The following LRCH1 variants were observed in gnomAD, a reference collection of about 807,000 sequenced individuals.
The protein encoded by LRCH1 is leucine-rich repeat and calponin homology domain-containing protein 1.
Under a neutral mutation model 94.9 loss-of-function variants are expected in LRCH1, and 23 were observed. That is an observed-to-expected ratio of 0.24 (90% confidence interval 0.17 to 0.34). The LOEUF (loss-of-function observed/expected upper bound fraction) is 0.34, where lower values mean the gene tolerates loss of function less well. Among genes scored for constraint, LRCH1 ranks in the 10% least tolerant of loss-of-function variants. The pLI is 1.00. For missense variants in LRCH1, 790 were observed against 945.9 expected (o/e 0.84, Z 2.16); for synonymous variants, 364 against 354.9 (o/e 1.03, Z -0.29).
chr13:46,586,163 C>G (rs1215230828), intron 1 of LRCH1, among the ~76,000 whole-genome samples: 1 of 152,118 alleles, frequency 6.6e-6, no homozygotes, highest in Non-Finnish European at 1.5e-5. Context: ...AAGCTAACTC[C>G]TGGATGACAC....
intron 17 of LRCH1, among the ~76,000 whole-genome samples, chr13:46,728,370 C>T (rs535113699): frequency 2.0e-5 from 3 of 152,134 alleles, no homozygotes; most frequent in East Asian, 1.9e-4. Context: ...CACCTGCCAC[C>T]GTGCCTGGGA....
chr13:46,577,976 C>T (rs984683726), intron 1 of LRCH1, among the ~76,000 whole-genome samples: 6 of 152,156 alleles, frequency 3.9e-5, no homozygotes, highest in African/African-American at 9.7e-5. Flanking sequence ...AGGGAATCCC[C>T]GTCAGCTTTG....
intron 9 of LRCH1, among the ~76,000 whole-genome samples, chr13:46,697,051 G>A (rs1285483069): frequency 1.3e-5 from 2 of 152,218 alleles, no homozygotes; most frequent in Non-Finnish European, 2.9e-5. Flanking sequence ...CTGGGTGAAA[G>A]AGTGAGACCC....
intron 1 of LRCH1, among the ~76,000 whole-genome samples, chr13:46,597,815 T>TA (rs372387060): frequency 0.028 from 4,174 of 151,430 alleles, 174 homozygotes; most frequent in African/African-American, 0.094. Flanking sequence ...ATTTTTTTTT[T>TA]AAAAAACAGA....
chr13:46,567,401 G>T (rs1018116378), intron 1 of LRCH1, among the ~76,000 whole-genome samples: 1 of 151,828 alleles, frequency 6.6e-6, no homozygotes, highest in African/African-American at 2.4e-5. Flanking sequence ...CAACTTAAAG[G>T]AATCTGTGCA....
intron 5 of LRCH1, among the ~76,000 whole-genome samples, chr13:46,686,952 ATTTTTTTTTTTTT>A (rs71077916): frequency 2.3e-5 from 2 of 85,436 alleles, no homozygotes; most frequent in African/African-American, 9.3e-5. Context: ...GAGTATATTG[ATTTTTTTTTTTTT>A]TTTTTTTTTT....
intron 1 of LRCH1, among the ~76,000 whole-genome samples, chr13:46,569,816 T>C (rs982817559): frequency 2.0e-5 from 3 of 152,152 alleles, no homozygotes; most frequent in African/African-American, 7.2e-5. Flanking sequence ...TCTGTCTTCA[T>C]TGCACTTGCC....
At chr13:46,608,889 C>A (rs1251637185) in intron 1 of LRCH1, among the ~76,000 whole-genome samples, 1 of 152,140 alleles carries the variant, frequency 6.6e-6, no homozygotes, top group Non-Finnish European at 1.5e-5. Flanking sequence ...CATGCATTCT[C>A]CTTAAAGAAA....
At chr13:46,570,037 A>C (rs2050224873) in intron 1 of LRCH1, among the ~76,000 whole-genome samples, 4 of 152,084 alleles carry the variant, frequency 2.6e-5, no homozygotes. Context: ...TTTTTTCTCT[A>C]ATAAGAATAA....
chr13:46,630,965 C>G (rs2051010671), intron 1 of LRCH1, among the ~76,000 whole-genome samples: 1 of 152,186 alleles, frequency 6.6e-6, no homozygotes, highest in African/African-American at 2.4e-5. Context: ...TATGTGCTCT[C>G]TAGATCTGGG....
chr13:46,746,063 C>T (rs1037888078), downstream of LRCH1, among the ~76,000 whole-genome samples: 3 of 152,186 alleles, frequency 2.0e-5, no homozygotes, highest in South Asian at 2.1e-4. Flanking sequence ...ACATATTTAA[C>T]CATTAAGTAA....
intron 1 of LRCH1, among the ~76,000 whole-genome samples, chr13:46,635,467 C>CA (rs776477719): frequency 4.8e-4 from 46 of 96,626 alleles, no homozygotes; most frequent in Middle Eastern, 8.2e-3. Flanking sequence ...CCCCTCCCAC[C>CA]TTTTTTTTTT....
At position 46,742,695 on chromosome 13, in the gene LRCH1, T is replaced by A. The variant is rs1873728709; in HGVS notation, c.*847T>A. The A allele has an allele frequency of 1.0e-5, 10 of 985,432 alleles. No homozygotes were observed. Among genetic ancestry groups the A allele is most frequent in the Non-Finnish European group, 1.2e-5 (10 of 829,934 alleles). The allele number at this position is 985,432 out of a possible 1,614,324, so 61.0% of individuals were successfully genotyped here. A position where few individuals can be genotyped will look rare whatever the true frequency, so the allele number is the denominator to read the frequency against. On this transcript the variant is annotated 3_prime_UTR_variant, in exon 20 of 20. Coordinates refer to ENST00000389797, the MANE Select transcript of LRCH1 (RefSeq NM_001164211.2). Reference sequence around the variant, plus strand: ...GAACAATGGAACGGATCACTGCTTTTTTGCCACATCACATAGTAACTGCCG... The same window carrying A: ...GAACAATGGAACGGATCACTGCTTTATTGCCACATCACATAGTAACTGCCG...
intron 2 of LRCH1, among the ~76,000 whole-genome samples, chr13:46,664,597 G>A (rs143564595): frequency 3.7e-3 from 569 of 152,236 alleles, no homozygotes; most frequent in Middle Eastern, 0.017. Context: ...TAACACAATG[G>A]CATGATGAAG....
intron 1 of LRCH1, among the ~76,000 whole-genome samples, chr13:46,613,042 T>C (rs945226353): frequency 6.6e-6 from 1 of 152,216 alleles, no homozygotes; most frequent in South Asian, 2.1e-4. Flanking sequence ...ATTTGTACAT[T>C]ATTATTTCAG....
intron 16 of LRCH1, among the ~76,000 whole-genome samples, chr13:46,721,532 A>C (rs1304641975): frequency 6.6e-6 from 1 of 152,186 alleles, no homozygotes; most frequent in Non-Finnish European, 1.5e-5. Flanking sequence ...AGTTTTCCTC[A>C]GTTCCCTTTT....
intron 1 of LRCH1, among the ~76,000 whole-genome samples, chr13:46,616,360 T>C (rs2050808190): frequency 6.6e-6 from 1 of 152,182 alleles, no homozygotes; most frequent in Non-Finnish European, 1.5e-5. Context: ...CAAAATAAGC[T>C]TAAACAGAAC....
chr13:46,657,692 A>ATTTT (rs55823488), intron 2 of LRCH1, among the ~76,000 whole-genome samples: 5 of 46,918 alleles, frequency 1.1e-4, no homozygotes, highest in Admixed American at 3.8e-4. Context: ...TGCCCAGCTA[A>ATTTT]TTTTTTTTTT....
chr13:46,748,752 C>G (rs74080671), downstream of LRCH1, among the ~76,000 whole-genome samples: 8,357 of 152,244 alleles, frequency 0.055, 730 homozygotes, highest in African/African-American at 0.19. Context: ...GATAATCCTA[C>G]TTTGATACAC....
Sources: allele counts gnomAD v4.1 joint callset (sites outside exome capture counted in the v4.1 genomes callset), GRCh38; gene constraint gnomAD v4.1.1; transcripts MANE v1.5; gene names NCBI Gene and HGNC (gene_info 2026-07-23, HGNC 2026-07-21).